Variants in FRYL observed in about 807,000 individuals in gnomAD.
The protein encoded by FRYL is protein furry homolog-like.
FRYL carries 150 observed loss-of-function variants against 351.2 expected under a neutral mutation model. The ratio of observed to expected loss-of-function variants is 0.43; its 90% confidence interval spans 0.37 to 0.49. The LOEUF (loss-of-function observed/expected upper bound fraction) is 0.49, where lower values mean the gene tolerates loss of function less well. Among genes scored for constraint, FRYL ranks in the 20% least tolerant of loss-of-function variants. FRYL has a pLI of 0.00. For synonymous variants in FRYL, 1,153 were observed against 1,257.1 expected, an observed-to-expected ratio of 0.92 and a Z score of 1.75; for missense variants, 3,036 against 3,619.3, an observed-to-expected ratio of 0.84 and a Z score of 4.13.
rs1326770736 is a variant in FRYL, at chr4:48,620,791, G to T, written c.175-13C>A. The T allele has an allele frequency of 6.2e-7, 1 of 1,603,074 alleles. No homozygotes were observed. Among genetic ancestry groups the T allele is most frequent in the Non-Finnish European group, 8.5e-7 (1 of 1,172,028 alleles). ...TAGAGCTTATCAACTGAAAACACAA[G>T]ATATTACCAGAAAATAAATTGTAAC... On this transcript the variant is annotated splice_polypyrimidine_tract_variant and intron_variant, in intron 5 of 63. Coordinates refer to ENST00000358350, the MANE Select transcript of FRYL (RefSeq NM_015030.2).
intron 19 of FRYL, among the ~76,000 whole-genome samples, chr4:48,583,562 T>G (rs1741400644): frequency 6.6e-6 from 1 of 151,078 alleles, no homozygotes; most frequent in African/African-American, 2.4e-5. Flanking sequence ...AAGGTCAGAA[T>G]GAGAGTAAAT....
At chr4:48,674,426 T>A (rs1280784851) in intron 3 of FRYL, among the ~76,000 whole-genome samples, 1 of 150,784 alleles carries the variant, frequency 6.6e-6, no homozygotes, top group East Asian at 1.9e-4. Context: ...TCACATCACA[T>A]GTGATCATTT....
At chr4:48,502,781 TTGTC>T (rs769108246) in intron 61 of FRYL, 43 bp downstream of exon 61, 8 of 1,512,656 alleles carry the variant, frequency 5.3e-6, no homozygotes, top group East Asian at 4.6e-5. Context: ...GAAAACCAGT[TTGTC>T]TGGCAAGGGT....
In FRYL at chr4:48,531,075, T is replaced by C. The variant is rs1727486304; in HGVS notation, c.6903+81A>G. 2.4e-5 allele frequency: 23 copies of C among 955,808 alleles called. No individual in the cohort carries two copies. In the South Asian group the frequency reaches 2.9e-4, roughly 12 times the overall value. The allele number at this position is 955,808 out of a possible 1,614,324, so 59.2% of individuals were successfully genotyped here. On this transcript the variant is annotated intron_variant, in intron 50 of 63. Coordinates refer to ENST00000358350, the MANE Select transcript of FRYL (RefSeq NM_015030.2). ...TAACACTGGGTATGAGCTCAATCAA[T>C]GTTTGTTAAATCAAAGAATGAATAA... is the stretch of plus-strand genomic sequence containing the variant.
At chr4:48,720,707 T>A (rs1005652156) in intron 1 of FRYL, among the ~76,000 whole-genome samples, 2 of 152,200 alleles carry the variant, frequency 1.3e-5, no homozygotes, top group African/African-American at 4.8e-5. Context: ...TGGGCCTGAC[T>A]ACTCTAGGTA....
At chr4:48,547,079 G>A (rs146763662) in intron 41 of FRYL, among the ~76,000 whole-genome samples, 1 of 151,952 alleles carries the variant, frequency 6.6e-6, no homozygotes, top group Non-Finnish European at 1.5e-5. Context: ...GTTAGTTATA[G>A]GATATAAGAA....
intron 3 of FRYL, among the ~76,000 whole-genome samples, chr4:48,661,255 G>A (rs1462520073): frequency 1.3e-5 from 2 of 152,200 alleles, no homozygotes; most frequent in African/African-American, 4.8e-5. Flanking sequence ...GGGAGTAACT[G>A]GAATTGGGCT....
At chr4:48,516,335 A>G (rs1723589948) in intron 55 of FRYL, among the ~76,000 whole-genome samples, 1 of 152,218 alleles carries the variant, frequency 6.6e-6, no homozygotes, top group African/African-American at 2.4e-5. Context: ...CAAGTGGTAG[A>G]GGCTCAAGAG....
intron 2 of FRYL, among the ~76,000 whole-genome samples, chr4:48,709,479 G>C (rs1767773080): frequency 6.6e-6 from 1 of 152,088 alleles, no homozygotes; most frequent in African/African-American, 2.4e-5. Flanking sequence ...CTTCAAAACA[G>C]AAAGATTAAC....
At chr4:48,687,069 A>G (rs1765211118) in intron 2 of FRYL, among the ~76,000 whole-genome samples, 1 of 152,152 alleles carries the variant, frequency 6.6e-6, no homozygotes, top group Non-Finnish European at 1.5e-5. Context: ...GTTTACTTGC[A>G]GGACAATCAC....
At chr4:48,542,664 T>A (rs1730476576) in intron 44 of FRYL, among the ~76,000 whole-genome samples, 1 of 152,080 alleles carries the variant, frequency 6.6e-6, no homozygotes, top group Non-Finnish European at 1.5e-5. Flanking sequence ...GATCCACCCG[T>A]TTCAGCCTCC....
chr4:48,722,353 T>C (rs1338538085), intron 1 of FRYL, among the ~76,000 whole-genome samples: 1 of 152,210 alleles, frequency 6.6e-6, no homozygotes, highest in African/African-American at 2.4e-5. Context: ...CCTACTACCA[T>C]GCATTGCTAC....
chr4:48,565,507 G>T (rs1736578842), intron 29 of FRYL, 24 bp downstream of exon 29: 3 of 1,515,994 alleles, frequency 2.0e-6, no homozygotes, highest in Non-Finnish European at 2.6e-6. Context: ...TAAGAAAAAA[G>T]AAATCAGGTT....
Position 48,772,441 on chromosome 4 carries a change from G to A in FRYL, c.-384+7637C>T, listed in dbSNP as rs1481573671. Among the ~76,000 whole-genome samples, 9 of 152,198 alleles carry A rather than the reference G, an allele frequency of 5.9e-5. No individual in the cohort carries two copies. The South Asian group carries it at 6.2e-4, about 11-fold the overall frequency. On this transcript the variant is annotated intron_variant, in intron 1 of 63. Coordinates refer to ENST00000358350, the MANE Select transcript of FRYL (RefSeq NM_015030.2). ...GGATCTACATACATCAAGGGATGAT[G>A]TACTTGAATCTACTCATACTATTTA...
chr4:48,618,015 A>G (rs1312218679), intron 7 of FRYL: 2 of 152,254 alleles, frequency 1.3e-5, no homozygotes, highest in South Asian at 2.1e-4. Flanking sequence ...CACAATGAGC[A>G]GTAGTCAGAG....
intron 2 of FRYL, among the ~76,000 whole-genome samples, chr4:48,709,819 TTATC>T (rs778976878): frequency 2.0e-4 from 31 of 152,350 alleles, no homozygotes; most frequent in Non-Finnish European, 3.8e-4. Context: ...CCTTTCATCT[TTATC>T]TAATACCACA....
intron 54 of FRYL, among the ~76,000 whole-genome samples, chr4:48,521,629 T>C (rs1219268191): frequency 1.3e-5 from 2 of 152,176 alleles, no homozygotes; most frequent in South Asian, 2.1e-4. Flanking sequence ...GGATAAGACA[T>C]GTAATATGCA....
chr4:48,629,455 T>C (rs879780305), intron 4 of FRYL, among the ~76,000 whole-genome samples: 2 of 152,186 alleles, frequency 1.3e-5, no homozygotes, highest in African/African-American at 2.4e-5. Flanking sequence ...CGGCAGTCTG[T>C]TCATTCAGTC....
chr4:48,677,556 G>A (rs1262601788), intron 3 of FRYL, among the ~76,000 whole-genome samples: 3 of 151,890 alleles, frequency 2.0e-5, no homozygotes, highest in Non-Finnish European at 2.9e-5. Context: ...GATTACAGGC[G>A]CCTGCCACCA....
Sources: allele counts gnomAD v4.1 joint callset (sites outside exome capture counted in the v4.1 genomes callset), GRCh38; gene constraint gnomAD v4.1.1; transcripts MANE v1.5; gene names NCBI Gene and HGNC (gene_info 2026-07-23, HGNC 2026-07-21).